The following GAP43 variants were observed in gnomAD, a reference collection of about 807,000 sequenced individuals.
GAP43 encodes the protein growth associated protein 43, also known as neuromodulin.
Under a neutral mutation model 18.6 loss-of-function variants are expected in GAP43, and 6 were observed. The ratio of observed to expected loss-of-function variants is 0.32; its 90% CI spans 0.18 to 0.64. The LOEUF is 0.64. Among genes scored for constraint, GAP43 ranks in the 30% least tolerant of loss-of-function variants. GAP43 has a pLI of 0.78. For synonymous variants in GAP43, 115 were observed against 111.4 expected (o/e 1.03, Z -0.20); for missense variants, 292 against 295.5 (o/e 0.99, Z 0.09).
chr3:115,669,487 G>A (rs776435010), intron 1 of GAP43, among the ~76,000 whole-genome samples: 91 of 152,202 alleles, frequency 6.0e-4, no homozygotes, highest in Admixed American at 2.9e-3. Flanking sequence ...CTGGCATTCA[G>A]CTCTAAGTAA....
chr3:115,688,133 C>T (rs1436720782), intron 2 of GAP43, among the ~76,000 whole-genome samples: 1 of 152,124 alleles, frequency 6.6e-6, no homozygotes, highest in Non-Finnish European at 1.5e-5. Context: ...TATCCTGCCT[C>T]AGCCTCCCGA....
intron 1 of GAP43, among the ~76,000 whole-genome samples, chr3:115,665,491 A>G (rs1054489765): frequency 6.6e-6 from 1 of 152,114 alleles, no homozygotes; most frequent in African/African-American, 2.4e-5. Context: ...ATTTTTTTAA[A>G]GGGGATGGCA....
chr3:115,651,744 A>G (rs1708521208), intron 1 of GAP43, among the ~76,000 whole-genome samples: 3 of 152,044 alleles, frequency 2.0e-5, no homozygotes. Flanking sequence ...CCACTGTTCT[A>G]AAATTGCTTT....
chr3:115,693,807 G>T (rs1709146688), intron 2 of GAP43, among the ~76,000 whole-genome samples: 1 of 151,936 alleles, frequency 6.6e-6, no homozygotes, highest in Non-Finnish European at 1.5e-5. Context: ...GCGGGGCAGG[G>T]GAGAGGATGG....
At chr3:115,627,727 A>C (rs1708208209) in intron 1 of GAP43, among the ~76,000 whole-genome samples, 1 of 152,188 alleles carries the variant, frequency 6.6e-6, no homozygotes, top group Admixed American at 6.6e-5. Context: ...TATTAGTATT[A>C]ATAAAGGCAT....
chr3:115,720,216 A>G (rs1709558987), intron 2 of GAP43, among the ~76,000 whole-genome samples: 1 of 152,092 alleles, frequency 6.6e-6, no homozygotes, highest in Admixed American at 6.5e-5. Context: ...AGTGCCATGT[A>G]TTGTTTGATG....
At chr3:115,649,033 T>TAC (rs1708493388) in intron 1 of GAP43, among the ~76,000 whole-genome samples, 2 of 152,114 alleles carry the variant, frequency 1.3e-5, no homozygotes, top group Non-Finnish European at 2.9e-5. Flanking sequence ...ATAACTGGCA[T>TAC]AGACCACAAA....
At chr3:115,634,490 A>T (rs923638103) in intron 1 of GAP43, among the ~76,000 whole-genome samples, 4 of 152,234 alleles carry the variant, frequency 2.6e-5, no homozygotes, top group South Asian at 2.1e-4. Context: ...GAAAGAAAAA[A>T]ATTGACTGGA....
intron 1 of GAP43, among the ~76,000 whole-genome samples, chr3:115,652,606 A>T (rs972900908): frequency 2.0e-5 from 3 of 151,990 alleles, no homozygotes; most frequent in Non-Finnish European, 4.4e-5. Flanking sequence ...GGCTGGTCTC[A>T]AACTCCTAAG....
At chr3:115,713,829 T>G (rs1234643729) in intron 2 of GAP43, among the ~76,000 whole-genome samples, 1 of 152,234 alleles carries the variant, frequency 6.6e-6, no homozygotes. Flanking sequence ...GTGGTTTTGA[T>G]CTTTCTTAGG....
intron 1 of GAP43, among the ~76,000 whole-genome samples, chr3:115,667,938 T>C (rs948886615): frequency 6.6e-6 from 1 of 152,176 alleles, no homozygotes; most frequent in Non-Finnish European, 1.5e-5. Context: ...GAGCAGAGTC[T>C]AGTGTCCCCC....
chr3:115,703,804 C>T (rs756295468), intron 2 of GAP43, among the ~76,000 whole-genome samples: 11 of 152,022 alleles, frequency 7.2e-5, no homozygotes, highest in Non-Finnish European at 1.0e-4. Context: ...ACGGACTCTC[C>T]GTGACTCTTT....
At chr3:115,693,444 G>A (rs1709140465) in intron 2 of GAP43, among the ~76,000 whole-genome samples, 1 of 151,952 alleles carries the variant, frequency 6.6e-6, no homozygotes, top group Admixed American at 6.6e-5. Flanking sequence ...TACATATTAA[G>A]AGCCACGGGG....
chr3:115,677,431 G>A (rs1324421185), intron 2 of GAP43, among the ~76,000 whole-genome samples: 1 of 152,066 alleles, frequency 6.6e-6, no homozygotes, highest in East Asian at 1.9e-4. Flanking sequence ...GAAAGTTGGA[G>A]GGTTTTCACT....
intron 1 of GAP43, among the ~76,000 whole-genome samples, chr3:115,641,638 T>C (rs746095863): frequency 6.7e-4 from 102 of 151,870 alleles, no homozygotes; most frequent in Admixed American, 2.6e-4. Context: ...TGCTTGCACA[T>C]ACTGGGTCCA....
At chr3:115,717,373 G>A (rs1381733073) in intron 2 of GAP43, among the ~76,000 whole-genome samples, 1 of 151,336 alleles carries the variant, frequency 6.6e-6, no homozygotes, top group Admixed American at 6.6e-5. Flanking sequence ...GCAATGGCAG[G>A]ATCTCTGCTC....
At chr3:115,630,572 T>A (rs935710936) in intron 1 of GAP43, among the ~76,000 whole-genome samples, 1 of 152,206 alleles carries the variant, frequency 6.6e-6, no homozygotes, top group Admixed American at 6.5e-5. Context: ...TCTGACTGAA[T>A]TGGCATGTCC....
chr3:115,630,791 T>C (rs1014953642), intron 1 of GAP43, among the ~76,000 whole-genome samples: 1 of 152,142 alleles, frequency 6.6e-6, no homozygotes, highest in South Asian at 2.1e-4. Flanking sequence ...CATGTTAGTG[T>C]TTAGTGGGTG....
intron 1 of GAP43, among the ~76,000 whole-genome samples, chr3:115,631,896 C>T (rs1454306383): frequency 6.6e-6 from 1 of 152,162 alleles, no homozygotes; most frequent in Non-Finnish European, 1.5e-5. Context: ...GTTGGGATTA[C>T]AGGCATGAGC....
Sources: gnomAD v4.1 joint callset for allele counts (sites outside exome capture counted in the v4.1 genomes callset) on GRCh38, gnomAD v4.1.1 for gene constraint, MANE v1.5 for transcripts, NCBI Gene and HGNC (gene_info 2026-07-23, HGNC 2026-07-21) for gene names.